Variants in SUPT3H observed in about 807,000 individuals in gnomAD.
The protein encoded by SUPT3H is transcription initiation protein SPT3 homolog.
In SUPT3H, 44 loss-of-function variants were observed where a neutral mutation model predicts 44.3. The ratio of observed to expected loss-of-function variants is 0.99; its 90% CI spans 0.78 to 1.28. The LOEUF (loss-of-function observed/expected upper bound fraction) is 1.28, where lower values mean the gene tolerates loss of function less well. Ranked by LOEUF, SUPT3H falls within the 50% of genes most tolerant of loss-of-function variation. The pLI, the probability that SUPT3H is intolerant of heterozygous loss-of-function variation, is 0.00. For synonymous variants in SUPT3H, 124 were observed against 125.6 expected (o/e 0.99, Z 0.09); for missense variants, 380 against 387.1 (o/e 0.98, Z 0.15).
downstream of SUPT3H, among the ~76,000 whole-genome samples, chr6:44,823,807 C>CA (rs1340288698): frequency 1.3e-5 from 2 of 151,830 alleles, no homozygotes; most frequent in East Asian, 1.9e-4. Flanking sequence ...ACTAAAAATA[C>CA]AAAAAATTAG....
rs190041864 is a variant in SUPT3H, at chr6:44,878,638, T to C, written c.913-48781A>G. ...CTGCTCTCGGGTGTGGATGGCAAGA[T>C]GGCTGAATAGGAACCACTCTGGTCT... On this transcript the variant is annotated intron_variant, in intron 10 of 10. Coordinates refer to ENST00000371459, the MANE Select transcript of SUPT3H (RefSeq NM_003599.4). Among the ~76,000 whole-genome samples, 17 of 152,270 alleles carry C rather than the reference T, an allele frequency of 1.1e-4. No homozygotes were observed. The East Asian group carries it at 2.9e-3, about 26-fold the overall frequency.
At chr6:45,132,454 A>G (rs749979593) in intron 2 of SUPT3H, among the ~76,000 whole-genome samples, 3 of 152,194 alleles carry the variant, frequency 2.0e-5, no homozygotes, top group Non-Finnish European at 2.9e-5. Context: ...AACAAAATAA[A>G]TGACAGGATA....
At chr6:44,964,330 C>T (rs1776483446) in intron 6 of SUPT3H, among the ~76,000 whole-genome samples, 1 of 151,026 alleles carries the variant, frequency 6.6e-6, no homozygotes, top group Admixed American at 6.6e-5. Context: ...TAGCCTCCTC[C>T]AACCAATAAA....
chr6:45,328,399 C>T, intron 2 of SUPT3H: 1 of 1,412,402 alleles, frequency 7.1e-7, no homozygotes, highest in Non-Finnish European at 9.5e-7. Flanking sequence ...AGCAAGAAGT[C>T]TCTGGTTTTT....
intron 2 of SUPT3H, chr6:45,321,783 TC>T (rs751530112): frequency 1.9e-6 from 3 of 1,576,708 alleles, no homozygotes; most frequent in Middle Eastern, 1.7e-4. Flanking sequence ...GAACACAATT[TC>T]CCACTACTTA....
chr6:45,288,302 C>T (rs1441896493), intron 2 of SUPT3H, among the ~76,000 whole-genome samples: 3 of 151,592 alleles, frequency 2.0e-5, no homozygotes, highest in African/African-American at 4.8e-5. Context: ...GCATAAATAA[C>T]GGTATTTATT....
chr6:44,910,455 C>CA (rs1199927954), intron 10 of SUPT3H, among the ~76,000 whole-genome samples: 19 of 152,134 alleles, frequency 1.2e-4, no homozygotes, highest in Non-Finnish European at 2.4e-4. Flanking sequence ...AAACAATGCA[C>CA]ATCCCCTTAC....
At chr6:45,188,926 C>T (rs1410025256) in intron 2 of SUPT3H, among the ~76,000 whole-genome samples, 1 of 152,002 alleles carries the variant, frequency 6.6e-6, no homozygotes, top group East Asian at 1.9e-4. Context: ...TTTAAGGTGG[C>T]AATATCATTG....
intron 2 of SUPT3H, among the ~76,000 whole-genome samples, chr6:45,109,294 A>C (rs1042954355): frequency 3.9e-5 from 6 of 152,170 alleles, no homozygotes; most frequent in African/African-American, 1.4e-4. Context: ...AATTCGTTGG[A>C]ATACTTGAAT....
chr6:45,365,319 A>G lies in SUPT3H; in HGVS notation c.1-18T>C. 6.4e-7 allele frequency: 1 copy of G among 1,565,286 alleles called. No individual in the cohort carries two copies. The highest frequency in any genetic ancestry group is 8.8e-7 in the Non-Finnish European group (1 of 1,140,322). The stretch of plus-strand genomic sequence containing the variant: ...TTATTCATCTAAATAAAAAGGAGAA[A>G]TAAAGCTTACAAAATGTACCTAGCT... On this transcript the variant is annotated intron_variant, in intron 1 of 10. Coordinates refer to ENST00000371459, the MANE Select transcript of SUPT3H (RefSeq NM_003599.4).
intron 2 of SUPT3H, among the ~76,000 whole-genome samples, chr6:45,225,340 G>A (rs909548422): frequency 6.7e-6 from 1 of 149,950 alleles, no homozygotes; most frequent in African/African-American, 2.4e-5. Flanking sequence ...GGATTTTTAT[G>A]TTCTTCACTA....
intron 3 of SUPT3H, among the ~76,000 whole-genome samples, chr6:45,026,257 G>T (rs1048534297): frequency 1.3e-5 from 2 of 152,096 alleles, no homozygotes; most frequent in African/African-American, 4.8e-5. Context: ...AATCCTCCAT[G>T]ATAAGACTGA....
chr6:45,314,800 A>G (rs994923499), intron 2 of SUPT3H, among the ~76,000 whole-genome samples: 1 of 152,192 alleles, frequency 6.6e-6, no homozygotes, highest in African/African-American at 2.4e-5. Context: ...TAAAATTCAT[A>G]TGGAACCAAA....
intron 3 of SUPT3H, among the ~76,000 whole-genome samples, chr6:45,097,097 T>C (rs1236666580): frequency 6.6e-6 from 1 of 152,300 alleles, no homozygotes; most frequent in East Asian, 1.9e-4. Flanking sequence ...TGATCAAAGA[T>C]GGACTTCAAA....
intron 10 of SUPT3H, among the ~76,000 whole-genome samples, chr6:44,836,071 C>T (rs113099253): frequency 4.4e-4 from 67 of 152,256 alleles, no homozygotes; most frequent in African/African-American, 1.6e-3. Context: ...CCTTTCTTTG[C>T]TGCCCTTGTG....
intron 10 of SUPT3H, among the ~76,000 whole-genome samples, chr6:44,855,350 A>G (rs1773549567): frequency 6.6e-6 from 1 of 152,166 alleles, no homozygotes; most frequent in Non-Finnish European, 1.5e-5. Flanking sequence ...TGTAACAGAT[A>G]AGGGGTAGCA....
At chr6:45,303,308 G>T (rs1782442661) in intron 2 of SUPT3H, among the ~76,000 whole-genome samples, 1 of 152,096 alleles carries the variant, frequency 6.6e-6, no homozygotes, top group East Asian at 1.9e-4. Flanking sequence ...ACAGCAAAAG[G>T]ATATAAACAG....
At chr6:45,347,345 C>A (rs1158428249) in intron 2 of SUPT3H, among the ~76,000 whole-genome samples, 4 of 151,938 alleles carry the variant, frequency 2.6e-5, no homozygotes, top group African/African-American at 9.7e-5. Context: ...GATGTATTTC[C>A]TTCTTTCTCA....
chr6:45,109,318 CATT>C (rs1441871551), intron 2 of SUPT3H, among the ~76,000 whole-genome samples: 2 of 152,068 alleles, frequency 1.3e-5, no homozygotes, highest in African/African-American at 4.8e-5. Flanking sequence ...GTTTTCCTTC[CATT>C]ATTCTAAGTT....
Sources: gnomAD v4.1 joint callset for allele counts (sites outside exome capture counted in the v4.1 genomes callset) on GRCh38, gnomAD v4.1.1 for gene constraint, MANE v1.5 for transcripts, NCBI Gene and HGNC (gene_info 2026-07-23, HGNC 2026-07-21) for gene names.